Variants in LAMC3 observed in about 807,000 individuals in gnomAD.
LAMC3 encodes the protein laminin subunit gamma 3.
A neutral mutation model predicts 173.8 loss-of-function variants in LAMC3; 128 were observed. The observed-to-expected ratio is 0.74, with a 90% confidence interval of 0.64 to 0.85. The LOEUF is 0.85. Among genes scored for constraint, LAMC3 ranks in the 40% least tolerant of loss-of-function variants. The pLI is 0.00. For missense variants in LAMC3, 2,022 were observed against 2,156.0 expected (o/e 0.94, Z 1.23); for synonymous variants, 897 against 909.1 (o/e 0.99, Z 0.24).
At position 131,056,919 on chromosome 9, in the gene LAMC3, C is replaced by T. The variant is rs373939366; in HGVS notation, c.1940-10C>T. ...CCTCCTCTCTTCCTCTCTCCCTTCT[C>T]GCTCTGCAGGTCCAGTGTTCCTGAC... On this transcript the variant is annotated splice_polypyrimidine_tract_variant and intron_variant, in intron 11 of 27. Coordinates refer to ENST00000361069, the MANE Select transcript of LAMC3 (RefSeq NM_006059.4). The T allele has an allele frequency of 2.4e-4, 386 of 1,608,190 alleles. 1 individual carries two copies. The highest frequency in any genetic ancestry group is 3.3e-4 in the Middle Eastern group (2 of 6,054).
At chr9:131,039,938 A>G (rs1298790469) in intron 6 of LAMC3, among the ~76,000 whole-genome samples, 1 of 151,892 alleles carries the variant, frequency 6.6e-6, no homozygotes, top group African/African-American at 2.4e-5. Context: ...CACATTTGCC[A>G]TCACTTGATT....
At chr9:131,065,664 A>G (rs1029222636) in intron 13 of LAMC3, among the ~76,000 whole-genome samples, 3 of 152,190 alleles carry the variant, frequency 2.0e-5, no homozygotes, top group African/African-American at 7.2e-5. Flanking sequence ...GGGAATGTGG[A>G]CCTCAATGCT....
chr9:131,033,893 C>T (rs536864393), intron 3 of LAMC3, among the ~76,000 whole-genome samples: 93 of 152,190 alleles, frequency 6.1e-4, no homozygotes, highest in South Asian at 4.0e-3. Flanking sequence ...GAGAAGGGGG[C>T]GGCATGAGGC....
intron 25 of LAMC3, among the ~76,000 whole-genome samples, chr9:131,086,889 GA>G (rs199984134): frequency 2.2e-4 from 31 of 138,308 alleles, no homozygotes; most frequent in South Asian, 2.3e-4. Context: ...ACTCTGCCTC[GA>G]AAAAAAAAAA....
chr9:131,063,427 G>A (rs1032086548), intron 13 of LAMC3, among the ~76,000 whole-genome samples: 1 of 152,228 alleles, frequency 6.6e-6, no homozygotes, highest in African/African-American at 2.4e-5. Context: ...GGAGCAGGCA[G>A]TGCTGTGTGC....
intron 13 of LAMC3, 96 bp downstream of exon 13, chr9:131,061,319 G>A: frequency 9.4e-6 from 10 of 1,068,320 alleles, no homozygotes; most frequent in Admixed American, 6.7e-5. Context: ...CCTGGGTTTA[G>A]GGTGTGGCAG....
rs765657893 is a variant in LAMC3, at chr9:131,085,520, G to A, written c.4031-4G>A. The A allele has an allele frequency of 2.7e-5, 44 of 1,613,754 alleles. No homozygotes were observed. The highest frequency in any genetic ancestry group is 2.4e-4 in the South Asian group (22 of 91,088). On this transcript the variant is annotated splice_region_variant and splice_polypyrimidine_tract_variant and intron_variant, in intron 24 of 27. Transcript: ENST00000361069. ...CCCTGACCCAGCCTCAGCCGGGTTT[G>A]CAGGAATGAAGCTGCAGTTTCCCCG...
intron 9 of LAMC3, among the ~76,000 whole-genome samples, chr9:131,051,985 G>A (rs1834296428): frequency 6.6e-6 from 1 of 152,160 alleles, no homozygotes; most frequent in African/African-American, 2.4e-5. Flanking sequence ...CCGAGTTCAG[G>A]GCAAGTTCTG....
At chr9:131,044,075 C>A (rs1288945685) in intron 7 of LAMC3, among the ~76,000 whole-genome samples, 1 of 151,478 alleles carries the variant, frequency 6.6e-6, no homozygotes, top group Non-Finnish European at 1.5e-5. Context: ...TCTCCTGCCT[C>A]AGCCTCCTAA....
In LAMC3 at chr9:131,054,283, G is replaced by A. The variant is rs192663728; in HGVS notation, c.1939+1318G>A. ...GCTCAGAGGGTCAGTCTTCCCCTGG[G>A]CCTCTTTTGAGTCCAAGGGTGCTGG... On this transcript the variant is annotated intron_variant, in intron 11 of 27. Coordinates refer to ENST00000361069, the MANE Select transcript of LAMC3 (RefSeq NM_006059.4). Among the ~76,000 whole-genome samples the A allele has an allele frequency of 5.9e-5, 9 of 152,208 alleles. No homozygotes were observed. The East Asian group carries it at 1.4e-3, about 23-fold the overall frequency.
At position 131,038,768 on chromosome 9, in the gene LAMC3, G is replaced by A. The variant is rs73658911; in HGVS notation, c.977-96G>A. 1.5e-3 allele frequency: 1,913 copies of A among 1,266,120 alleles called. 15 individuals are homozygous for A. The African/African-American group carries it at 0.025, about 16-fold the overall frequency. The allele number at this position is 1,266,120 out of a possible 1,614,324, so 78.4% of individuals were successfully genotyped here. A position where few individuals can be genotyped will look rare whatever the true frequency, so the allele number is the denominator to read the frequency against. On this transcript the variant is annotated intron_variant, in intron 4 of 27. Coordinates refer to ENST00000361069, the MANE Select transcript of LAMC3 (RefSeq NM_006059.4). ...ATGCTCTTGCCCTTCTCTTTGCACTGCCTGCTCATTTAGCACAGGGAGGCT... is the reference window on the plus strand; with the variant it reads ...ATGCTCTTGCCCTTCTCTTTGCACTACCTGCTCATTTAGCACAGGGAGGCT...
intron 27 of LAMC3, 76 bp downstream of exon 27, chr9:131,087,893 T>A (rs778455754): frequency 7.0e-6 from 8 of 1,150,644 alleles, no homozygotes; most frequent in African/African-American, 1.5e-5. Context: ...TGAGCTCCAG[T>A]CCTGGGGAAG....
chr9:131,040,629 G>A (rs180948365), intron 6 of LAMC3, among the ~76,000 whole-genome samples: 243 of 152,242 alleles, frequency 1.6e-3, no homozygotes, highest in African/African-American at 5.2e-3. Flanking sequence ...ATGAGATGGG[G>A]CCTGGCTGCT....
chr9:131,074,250 C>T (rs1469001437), intron 20 of LAMC3, among the ~76,000 whole-genome samples: 1 of 151,718 alleles, frequency 6.6e-6, no homozygotes, highest in Non-Finnish European at 1.5e-5. Context: ...GCCCGGCCAG[C>T]ACAGTGTTTT....
intron 13 of LAMC3, among the ~76,000 whole-genome samples, chr9:131,063,146 A>G (rs1829862827): frequency 6.6e-6 from 1 of 152,134 alleles, no homozygotes; most frequent in African/African-American, 2.4e-5. Context: ...TTCTGAAAGC[A>G]GCTCTCTGGC....
rs112069686 is a variant in LAMC3, at chr9:131,057,427, C to T, written c.2158+280C>T. Among the ~76,000 whole-genome samples, 478 of 152,318 alleles carry T rather than the reference C, an allele frequency of 3.1e-3. 2 individuals carry two copies. Among genetic ancestry groups the T allele is most frequent in the South Asian group, 5.8e-3 (28 of 4,830 alleles). ...CCAGCTGCTCTGTGGGCCATCTGTC[C>T]GCGCCACCTTCTCCCTGGGCTGGCC... On this transcript the variant is annotated intron_variant, in intron 12 of 27. Coordinates refer to ENST00000361069, the MANE Select transcript of LAMC3 (RefSeq NM_006059.4).
intron 3 of LAMC3, among the ~76,000 whole-genome samples, chr9:131,034,939 A>ATTATTGATTTAT (rs139151357): frequency 2.6e-4 from 39 of 150,572 alleles, no homozygotes; most frequent in African/African-American, 8.6e-4. Flanking sequence ...ACCTGAGATG[A>ATTATTGATTTAT]TTATTTATTT....
chr9:131,086,356 G>A (rs1414649423), intron 25 of LAMC3, among the ~76,000 whole-genome samples: 1 of 150,718 alleles, frequency 6.6e-6, no homozygotes, highest in Non-Finnish European at 1.5e-5. Context: ...GGGATTACAG[G>A]TGTGAGCCAC....
chr9:131,076,003 T>C lies in LAMC3; in HGVS notation c.3629+38T>C, dbSNP rs60612196. 1.8e-3 allele frequency: 2,898 copies of C among 1,567,770 alleles called. 58 individuals are homozygous for C. In the African/African-American group the frequency reaches 0.035, roughly 19 times the overall value. ...CAGGTGTGGGTAGAAACTTTGGGGT[T>C]GGCCTCCTGGAGCCAACAGGGCCTA... On this transcript the variant is annotated intron_variant, in intron 21 of 27. Transcript: ENST00000361069.
Sources: gnomAD v4.1 joint callset for allele counts (sites outside exome capture counted in the v4.1 genomes callset) on GRCh38, gnomAD v4.1.1 for gene constraint, MANE v1.5 for transcripts, NCBI Gene and HGNC (gene_info 2026-07-23, HGNC 2026-07-21) for gene names.